The following SUSD1 variants were observed in gnomAD, a reference collection of about 807,000 sequenced individuals.
The protein encoded by SUSD1 is sushi domain containing 1.
Under a neutral mutation model 86.9 loss-of-function variants are expected in SUSD1, and 65 were observed. That is an observed-to-expected ratio of 0.75 (90% CI 0.61 to 0.92). The LOEUF (loss-of-function observed/expected upper bound fraction) is 0.92. Among genes scored for constraint, SUSD1 ranks in the 40% least tolerant of loss-of-function variants. The pLI is 0.00. For missense variants in SUSD1, 850 were observed against 929.7 expected (o/e 0.91, Z 1.11); for synonymous variants, 346 against 350.0 (o/e 0.99, Z 0.13).
intron 1 of SUSD1, chr9:112,173,743 G>A (rs1834145873): frequency 5.3e-6 from 2 of 375,628 alleles, no homozygotes; most frequent in African/African-American, 4.2e-5. Context: ...AACCTCCTTG[G>A]GGTTTATGAG....
chr9:112,064,731 C>G (rs1828897022), intron 12 of SUSD1, among the ~76,000 whole-genome samples: 1 of 152,084 alleles, frequency 6.6e-6, no homozygotes, highest in South Asian at 2.1e-4. Flanking sequence ...CAAAAATTAG[C>G]CAGGCGTGGT....
chr9:112,171,666 C>G (rs1431820439), intron 1 of SUSD1, among the ~76,000 whole-genome samples: 1 of 151,848 alleles, frequency 6.6e-6, no homozygotes, highest in East Asian at 1.9e-4. Flanking sequence ...TTCTTCCTCG[C>G]CCCCCACTTT....
intron 3 of SUSD1, 50 bp from the exon 4 acceptor site, chr9:112,143,673 A>G (rs1564335216): frequency 6.5e-7 from 1 of 1,538,446 alleles, no homozygotes. Context: ...AGAAAAAAGA[A>G]AAAAAAAAGG....
intron 1 of SUSD1, among the ~76,000 whole-genome samples, chr9:112,162,618 A>G (rs1833619183): frequency 6.6e-6 from 1 of 152,260 alleles, no homozygotes; most frequent in South Asian, 2.1e-4. Context: ...GAAATATGAG[A>G]AATTAAGTAA....
At position 112,160,032 on chromosome 9, in the gene SUSD1, G is replaced by GA. The variant is rs968605944; in HGVS notation, c.104-2420dup. Reference sequence around the variant, plus strand: ...GAGAAAAGCAGGCAGCCAAGAAAAAGAAAAAAAAAAGAAAACACTAGAATT... The same window carrying GA: ...GAGAAAAGCAGGCAGCCAAGAAAAAGAAAAAAAAAAAGAAAACACTAGAATT... On this transcript the variant is annotated intron_variant, in intron 1 of 16. Coordinates refer to ENST00000374270, the MANE Select transcript of SUSD1 (RefSeq NM_022486.5). 1.1e-3 allele frequency among the ~76,000 whole-genome samples: 129 copies of GA among 122,804 alleles called. 1 individual carries two copies. The highest frequency in any genetic ancestry group is 3.3e-3 in the African/African-American group (109 of 33,048). The allele number at this position is 122,804 out of a possible 152,430, so 80.6% of individuals were successfully genotyped here.
At chr9:112,105,723 C>T (rs7854746) in intron 8 of SUSD1, among the ~76,000 whole-genome samples, 74,073 of 151,844 alleles carry the variant, frequency 0.49, 18,358 homozygotes, top group East Asian at 0.72. Flanking sequence ...AGTCGCAAAA[C>T]GACAACAACA....
Position 112,124,367 on chromosome 9 carries a change from C to G in SUSD1, c.776G>C (p.Gly259Ala). Residue 259 changes from glycine to alanine, a missense_variant, in exon 6 of 17, where the codon GGC (glycine) becomes GCC (alanine). By Grantham distance (60) the Gly-to-Ala change is moderately conservative (BLOSUM62 0). Coordinates refer to ENST00000374270, the MANE Select transcript of SUSD1 (RefSeq NM_022486.5). ...ILVGNHSSRL[G>A]GVARYVCQEG... Reference sequence around the variant, plus strand: ...TTGACAGACATAGCGAGCCACACCGCCCAGCCTGGAGCTGTGATTTCCTAC... The same window carrying G: ...TTGACAGACATAGCGAGCCACACCGGCCAGCCTGGAGCTGTGATTTCCTAC... 1 of 1,614,188 alleles carries G rather than the reference C, an allele frequency of 6.2e-7. No individual in the cohort carries two copies. The highest frequency in any genetic ancestry group is 8.5e-7 in the Non-Finnish European group (1 of 1,180,010).
chr9:112,174,948 G>GC (rs1296209147), intron 1 of SUSD1, among the ~76,000 whole-genome samples, 185 bp downstream of exon 1: 2 of 151,496 alleles, frequency 1.3e-5, no homozygotes, highest in South Asian at 4.2e-4. Flanking sequence ...CCGGCGGGGA[G>GC]CCCCCCGCTT....
chr9:112,104,976 T>C (rs565342827), intron 8 of SUSD1: 1 of 152,300 alleles, frequency 6.6e-6, no homozygotes, highest in East Asian at 1.9e-4. Flanking sequence ...AGCATCTGTT[T>C]CATACGGTTC....
intron 9 of SUSD1, among the ~76,000 whole-genome samples, chr9:112,101,736 T>C (rs541794314): frequency 2.0e-5 from 3 of 152,072 alleles, no homozygotes; most frequent in African/African-American, 7.2e-5. Context: ...TCCCAGCTAC[T>C]CAGGAAGGCT....
chr9:112,121,954 C>G (rs531406170), intron 6 of SUSD1, among the ~76,000 whole-genome samples: 1 of 152,328 alleles, frequency 6.6e-6, no homozygotes, highest in African/African-American at 2.4e-5. Flanking sequence ...AGGCTAACAA[C>G]TTTAGGAAAA....
chr9:112,123,987 G>C (rs181669355), intron 6 of SUSD1, among the ~76,000 whole-genome samples: 1 of 152,178 alleles, frequency 6.6e-6, no homozygotes, highest in East Asian at 1.9e-4. Context: ...AAATGTCTCA[G>C]ACAGTCAAGC....
At chr9:112,051,196 T>C (rs1337485195) in intron 15 of SUSD1, among the ~76,000 whole-genome samples, 2 of 152,164 alleles carry the variant, frequency 1.3e-5, no homozygotes, top group African/African-American at 2.4e-5. Flanking sequence ...TGGTTTGAGA[T>C]TGGTTAAATT....
chr9:112,118,736 C>T (rs1439874411), intron 6 of SUSD1, among the ~76,000 whole-genome samples: 5 of 152,190 alleles, frequency 3.3e-5, no homozygotes, highest in African/African-American at 4.8e-5. Flanking sequence ...CCACCCTTCT[C>T]GGCCTCCCAA....
At chr9:112,097,572 T>C (rs1282232679) in intron 10 of SUSD1, among the ~76,000 whole-genome samples, 2 of 151,760 alleles carry the variant, frequency 1.3e-5, no homozygotes. Context: ...TAATTTTTTG[T>C]ATTTTTGGTA....
chr9:112,173,615 G>T, intron 1 of SUSD1: 1 of 437,456 alleles, frequency 2.3e-6, no homozygotes, highest in South Asian at 1.8e-5. Flanking sequence ...TTTGATCCTT[G>T]ACCTTGGTCT....
chr9:112,077,055 G>A (rs1448181661), intron 12 of SUSD1, among the ~76,000 whole-genome samples: 1 of 152,222 alleles, frequency 6.6e-6, no homozygotes, highest in Non-Finnish European at 1.5e-5. Flanking sequence ...GCAGAGAGAA[G>A]GCAAAGTAGC....
intron 10 of SUSD1, among the ~76,000 whole-genome samples, chr9:112,092,312 G>C (rs923920985): frequency 8.5e-5 from 13 of 152,164 alleles, no homozygotes; most frequent in Admixed American, 8.5e-4. Context: ...TCTGTGTTCA[G>C]GGGCAATACA....
At chr9:112,109,727 C>A (rs2131639454) in intron 8 of SUSD1, among the ~76,000 whole-genome samples, 1 of 152,304 alleles carries the variant, frequency 6.6e-6, no homozygotes, top group Admixed American at 6.5e-5. Context: ...CCTCACTGAA[C>A]AGTGGCAGGT....
Sources: allele counts gnomAD v4.1 joint callset (sites outside exome capture counted in the v4.1 genomes callset), GRCh38; gene constraint gnomAD v4.1.1; transcripts MANE v1.5; gene names NCBI Gene and HGNC (gene_info 2026-07-23, HGNC 2026-07-21).